PRKCH: variants seen among roughly 807,000 people sequenced by gnomAD.
PRKCH encodes protein kinase C eta type.
In PRKCH, 28 loss-of-function variants were observed where a neutral mutation model predicts 82.5. That is an observed-to-expected ratio of 0.34 (90% CI 0.25 to 0.47). The LOEUF (loss-of-function observed/expected upper bound fraction) is 0.47, where lower values mean the gene tolerates loss of function less well. PRKCH is among the 20% of genes least tolerant of loss of function. PRKCH has a pLI of 1.00. For missense variants in PRKCH, 705 were observed against 881.8 expected, an observed-to-expected ratio of 0.80 and a Z score of 2.54; for synonymous variants, 322 against 327.4, an observed-to-expected ratio of 0.98 and a Z score of 0.18.
At chr14:61,525,778 T>C (rs1465357438) in intron 10 of PRKCH, 3 of 152,184 alleles carry the variant, frequency 2.0e-5, no homozygotes, top group Non-Finnish European at 4.4e-5. Context: ...TTCGGGAAAA[T>C]TCAGAAACTC....
chr14:61,478,796 C>T (rs958557028), intron 9 of PRKCH, among the ~76,000 whole-genome samples: 14 of 151,994 alleles, frequency 9.2e-5, no homozygotes, highest in African/African-American at 2.7e-4. Context: ...AGAAGTTCAG[C>T]GCTGCAGTGA....
At chr14:61,428,970 T>C (rs1327454077) in intron 2 of PRKCH, among the ~76,000 whole-genome samples, 2 of 152,356 alleles carry the variant, frequency 1.3e-5, no homozygotes, top group East Asian at 1.9e-4. Context: ...TAAAGAATTC[T>C]GCATGTCATA....
At chr14:61,200,187 A>T (rs927011790) in intron 1 of PRKCH, among the ~76,000 whole-genome samples, 1 of 152,144 alleles carries the variant, frequency 6.6e-6, no homozygotes, top group Non-Finnish European at 1.5e-5. Flanking sequence ...ACAGATGAAG[A>T]GAGAGGGAGA....
chr14:61,386,821 C>T (rs906552898), intron 1 of PRKCH, among the ~76,000 whole-genome samples: 19 of 152,058 alleles, frequency 1.2e-4, no homozygotes, highest in African/African-American at 2.7e-4. Flanking sequence ...TAATTGTTGT[C>T]GAATATTTGA....
At chr14:61,191,355 T>G (rs962142419) in intron 1 of PRKCH, among the ~76,000 whole-genome samples, 1 of 152,228 alleles carries the variant, frequency 6.6e-6, no homozygotes, top group Non-Finnish European at 1.5e-5. Context: ...TTTCTTGACT[T>G]AAAATAAATG....
Position 61,252,020 on chromosome 14 carries a change from A to C in PRKCH, c.-19+64352A>C, listed in dbSNP as rs532979169. Among the ~76,000 whole-genome samples the C allele has an allele frequency of 3.4e-4, 51 of 152,124 alleles. 1 individual carries two copies. In the South Asian group the frequency reaches 0.01, roughly 30 times the overall value. ...ACGCCCAGCTAATTTCTGTATTTTT[A>C]GTAGAGACAGGGTTTCACCATGTTG... On this transcript the variant is annotated intron_variant, in intron 1 of 3. Coordinates refer to the PRKCH transcript ENST00000555185.
chr14:61,206,047 A>T (rs1172060475), intron 1 of PRKCH, among the ~76,000 whole-genome samples: 2 of 152,232 alleles, frequency 1.3e-5, no homozygotes, highest in African/African-American at 4.8e-5. Flanking sequence ...GAGGCTGCCC[A>T]TTAGAGTCTG....
At chr14:61,474,248 G>C (rs763351776) in intron 9 of PRKCH, among the ~76,000 whole-genome samples, 7 of 152,190 alleles carry the variant, frequency 4.6e-5, no homozygotes, top group Non-Finnish European at 1.0e-4. Flanking sequence ...GGGGTTTTAA[G>C]AACCTGTCTG....
Position 61,443,155 on chromosome 14 carries a change from C to T in PRKCH, c.472C>T (p.Arg158Cys), listed in dbSNP as rs1017508706. The T allele has an allele frequency of 1.6e-5, 26 of 1,613,844 alleles. No homozygotes were observed. The highest frequency in any genetic ancestry group is 5.3e-5 in the African/African-American group (4 of 74,878). The change falls in exon 3 of 14, where the codon CGC becomes TGC. Residue 158 changes from arginine to cysteine, a missense_variant. Physicochemically the swap from Arg to Cys is radical, Grantham distance 180. Coordinates refer to ENST00000332981, the MANE Select transcript of PRKCH (RefSeq NM_006255.5). Reference sequence around the variant, plus strand: ...GATCTTCAAACATTTTACCAGGAAGCGCCAAAGGGCTATGCGAAGGCGAGT... The same window carrying T: ...GATCTTCAAACATTTTACCAGGAAGTGCCAAAGGGCTATGCGAAGGCGAGT... ...DRIFKHFTRK[R>C]QRAMRRRVHQ...
chr14:61,314,733 C>T (rs975625652), intron 1 of PRKCH, among the ~76,000 whole-genome samples: 6 of 152,204 alleles, frequency 3.9e-5, no homozygotes, highest in Non-Finnish European at 7.3e-5. Flanking sequence ...TCTGCTTGCC[C>T]TCTTAGGACC....
intron 1 of PRKCH, among the ~76,000 whole-genome samples, chr14:61,251,363 C>T (rs535838090): frequency 5.8e-4 from 89 of 152,260 alleles, no homozygotes; most frequent in African/African-American, 2.0e-3. Flanking sequence ...CTACCCTTCC[C>T]ACCCTCTGAT....
intron 1 of PRKCH, among the ~76,000 whole-genome samples, chr14:61,257,315 G>A (rs999849685): frequency 3.3e-5 from 5 of 151,916 alleles, no homozygotes; most frequent in African/African-American, 7.3e-5. Context: ...AGCCAGAGGC[G>A]GCGAGGTCAG....
chr14:61,352,591 G>T (rs2140150288), intron 1 of PRKCH, among the ~76,000 whole-genome samples: 1 of 151,906 alleles, frequency 6.6e-6, no homozygotes, highest in East Asian at 1.9e-4. Flanking sequence ...TTGAACCTGG[G>T]AGGTGGAGGT....
chr14:61,188,322 C>A (rs1196806354), intron 1 of PRKCH, among the ~76,000 whole-genome samples: 1 of 152,148 alleles, frequency 6.6e-6, no homozygotes, highest in Non-Finnish European at 1.5e-5. Context: ...TGGGTAGCTG[C>A]GGGCTAGGAG....
Position 61,427,097 on chromosome 14 carries a change from C to T in PRKCH, c.428-16014C>T, listed in dbSNP as rs532521975. ...TTTCAGAGGGACATAAGACATCAAT[C>T]AGTACATGTGAGGTATACATTGGTT... On this transcript the variant is annotated intron_variant, in intron 2 of 13. Transcript: ENST00000332981. Among the ~76,000 whole-genome samples, 17 of 152,076 alleles carry T rather than the reference C, an allele frequency of 1.1e-4. No homozygotes were observed. The South Asian group carries it at 3.5e-3, about 32-fold the overall frequency.
intron 12 of PRKCH, among the ~76,000 whole-genome samples, chr14:61,541,208 T>A (rs142805258): frequency 1.3e-5 from 2 of 152,206 alleles, no homozygotes. Context: ...AAGGAGAAGG[T>A]TGGTCTTCAT....
intron 9 of PRKCH, among the ~76,000 whole-genome samples, chr14:61,479,256 C>A (rs1885862899): frequency 6.6e-6 from 1 of 152,234 alleles, no homozygotes; most frequent in Admixed American, 6.5e-5. Context: ...CGTTTCCTAA[C>A]TCATGTTTCC....
intron 10 of PRKCH, among the ~76,000 whole-genome samples, chr14:61,497,982 T>A (rs1886742506): frequency 6.6e-6 from 1 of 152,140 alleles, no homozygotes; most frequent in Admixed American, 6.5e-5. Context: ...ATTGAACAAG[T>A]GTTGTCTTTT....
chr14:61,206,612 T>C (rs2044526342), intron 1 of PRKCH, among the ~76,000 whole-genome samples: 1 of 152,174 alleles, frequency 6.6e-6, no homozygotes, highest in African/African-American at 2.4e-5. Flanking sequence ...CTTCCATGTC[T>C]TTCCATCCAA....
Sources: allele counts gnomAD v4.1 joint callset (sites outside exome capture counted in the v4.1 genomes callset), GRCh38; gene constraint gnomAD v4.1.1; transcripts MANE v1.5; gene names NCBI Gene and HGNC (gene_info 2026-07-23, HGNC 2026-07-21).